DMC1: variants seen among roughly 807,000 people sequenced by gnomAD.
The protein encoded by DMC1 is DNA meiotic recombinase 1.
In DMC1, 27 loss-of-function variants were observed where a neutral mutation model predicts 50.1. That is an observed-to-expected ratio of 0.54 (90% confidence interval 0.40 to 0.74). DMC1 has a LOEUF of 0.74. DMC1 is among the 30% of genes least tolerant of loss of function. The pLI is 0.00. For synonymous variants in DMC1, 148 were observed against 136.1 expected, an observed-to-expected ratio of 1.09 and a Z score of -0.61; for missense variants, 295 against 420.2, an observed-to-expected ratio of 0.70 and a Z score of 2.60.
Position 38,549,936 on chromosome 22 carries a change from T to A in DMC1, c.483A>T (p.Thr161=). 2.5e-6 allele frequency: 4 copies of A among 1,612,460 alleles called. No individual in the cohort carries two copies. Among genetic ancestry groups the A allele is most frequent in the Non-Finnish European group, 3.4e-6 (4 of 1,178,676 alleles). ...YPGGKIIFID[T]ENTFRPDRLR... Reference sequence around the variant, plus strand: ...AATAAAAAGGTTACAAAGTATTTTCTGTATCAATGAAGATAATCTTTCCTC... The same window carrying A: ...AATAAAAAGGTTACAAAGTATTTTCAGTATCAATGAAGATAATCTTTCCTC... The change falls in exon 8 of 14, where the codon ACA becomes ACT. Residue 161 remains threonine, a synonymous_variant. Transcript: ENST00000216024.
chr22:38,520,491 G>A (rs1011525270), intron 13 of DMC1, among the ~76,000 whole-genome samples: 2 of 152,010 alleles, frequency 1.3e-5, no homozygotes, highest in African/African-American at 4.8e-5. Flanking sequence ...CTGAGTAGCT[G>A]GGATTACAGG....
Position 38,519,581 on chromosome 22 carries a change from A to G in DMC1, c.*439T>C. On this transcript the variant is annotated 3_prime_UTR_variant, in exon 14 of 14. Coordinates refer to ENST00000216024, the MANE Select transcript of DMC1 (RefSeq NM_007068.4). ...TAAGTCAGTGGCACTATACCCTAGA[A>G]AAATGGTGAAGGGAAAGTCCTTAGG... The G allele has an allele frequency of 5.0e-6, 1 of 200,748 alleles. No individual in the cohort carries two copies. The highest frequency in any genetic ancestry group is 1.2e-4 in the East Asian group (1 of 8,440). 12.4% of individuals were successfully genotyped at this position (200,748 alleles called of 1,614,324 possible). A position where few individuals can be genotyped will look rare whatever the true frequency, so the allele number is the denominator to read the frequency against.
At chr22:38,528,781 C>G (rs940907112) in intron 12 of DMC1, among the ~76,000 whole-genome samples, 23 of 151,990 alleles carry the variant, frequency 1.5e-4, no homozygotes, top group African/African-American at 5.6e-4. Flanking sequence ...GACCCTGTCT[C>G]AAAAACTAAA....
chr22:38,534,541 A>G (rs2090189586), intron 12 of DMC1, among the ~76,000 whole-genome samples: 1 of 151,906 alleles, frequency 6.6e-6, no homozygotes, highest in Admixed American at 6.6e-5. Flanking sequence ...CGTCTCTACT[A>G]AAAATACAAA....
At chr22:38,552,588 T>C in intron 7 of DMC1, 78 bp downstream of exon 7, 2 of 1,038,936 alleles carry the variant, frequency 1.9e-6, no homozygotes, top group South Asian at 2.6e-5. Flanking sequence ...TGAGATTATT[T>C]AGAGTATCAG....
chr22:38,511,304 C>T, the DMC1 span, among the ~76,000 whole-genome samples: 2 of 151,922 alleles, frequency 1.3e-5, no homozygotes, highest in African/African-American at 2.4e-5. Flanking sequence ...AGGAGGCTGG[C>T]GCTGTGGCTC....
chr22:38,522,626 GA>G (rs2090041445), intron 12 of DMC1, among the ~76,000 whole-genome samples: 1 of 152,018 alleles, frequency 6.6e-6, no homozygotes, highest in Admixed American at 6.6e-5. Flanking sequence ...ATCAATAAGG[GA>G]ACAGCACAAA....
intron 12 of DMC1, among the ~76,000 whole-genome samples, chr22:38,528,041 G>A (rs1042474576): frequency 4.6e-5 from 7 of 150,762 alleles, no homozygotes; most frequent in African/African-American, 1.7e-4. Flanking sequence ...TTAGGGCATT[G>A]TAAGGATTCA....
intron 6 of DMC1, among the ~76,000 whole-genome samples, chr22:38,554,731 T>A (rs1336612314): frequency 6.6e-6 from 1 of 152,012 alleles, no homozygotes; most frequent in Non-Finnish European, 1.5e-5. Context: ...AGTCTCTATG[T>A]TCATGGAACA....
the DMC1 span, among the ~76,000 whole-genome samples, chr22:38,513,252 C>T: frequency 7.4e-4 from 113 of 152,336 alleles, 1 homozygote; most frequent in South Asian, 2.7e-3. Context: ...GGCCCTGCTG[C>T]CCCTGCTCCC....
At chr22:38,534,320 T>G (rs2090186941) in intron 12 of DMC1, among the ~76,000 whole-genome samples, 1 of 152,212 alleles carries the variant, frequency 6.6e-6, no homozygotes, top group Non-Finnish European at 1.5e-5. Flanking sequence ...TTAGAAGAGA[T>G]ATGCTGAAGT....
chr22:38,522,078 G>C (rs776729102), intron 12 of DMC1, among the ~76,000 whole-genome samples: 5 of 151,476 alleles, frequency 3.3e-5, no homozygotes, highest in Non-Finnish European at 7.4e-5. Context: ...CAGCCTCCCA[G>C]GTAGCTGGGA....
intron 8 of DMC1, chr22:38,549,555 T>C (rs1197366256): frequency 5.2e-6 from 1 of 192,748 alleles, no homozygotes; most frequent in Admixed American, 5.9e-5. Context: ...ACCCAAGAGA[T>C]GGAGGTTGCA....
chr22:38,561,579 G>A (rs977045127), intron 5 of DMC1, among the ~76,000 whole-genome samples: 2 of 152,240 alleles, frequency 1.3e-5, no homozygotes, highest in South Asian at 4.1e-4. Flanking sequence ...GCAGATTTGG[G>A]GCAAAGGTCA....
intron 12 of DMC1, among the ~76,000 whole-genome samples, chr22:38,528,858 G>A (rs1483565323): frequency 6.6e-6 from 1 of 152,122 alleles, no homozygotes; most frequent in African/African-American, 2.4e-5. Flanking sequence ...CAGTCACTCT[G>A]TCAGTGAAAA....
At chr22:38,525,170 T>G (rs2046852015) in intron 12 of DMC1, among the ~76,000 whole-genome samples, 1 of 152,210 alleles carries the variant, frequency 6.6e-6, no homozygotes, top group South Asian at 2.1e-4. Flanking sequence ...TCTTTGAAAC[T>G]CCAGCGCCTG....
intron 12 of DMC1, among the ~76,000 whole-genome samples, chr22:38,524,252 A>G (rs1429980077): frequency 6.6e-6 from 1 of 152,034 alleles, no homozygotes; most frequent in East Asian, 1.9e-4. Flanking sequence ...TGTCTCTACT[A>G]AAAATACAAA....
the DMC1 span, among the ~76,000 whole-genome samples, chr22:38,511,164 C>G: frequency 2.0e-5 from 3 of 151,890 alleles, no homozygotes; most frequent in Middle Eastern, 6.8e-3. Flanking sequence ...TCTGAAACAC[C>G]TTGCATAGTA....
chr22:38,512,783 T>G, the DMC1 span, among the ~76,000 whole-genome samples: 1 of 152,106 alleles, frequency 6.6e-6, no homozygotes, highest in African/African-American at 2.4e-5. Flanking sequence ...AAAGGGAAAC[T>G]TATTAGAAAG....
Sources: gnomAD v4.1 joint callset for allele counts (sites outside exome capture counted in the v4.1 genomes callset) on GRCh38, gnomAD v4.1.1 for gene constraint, MANE v1.5 for transcripts, NCBI Gene and HGNC (gene_info 2026-07-23, HGNC 2026-07-21) for gene names.